The following MEGF11 variants were observed in gnomAD, a reference collection of about 807,000 sequenced individuals.
The protein encoded by MEGF11 is multiple epidermal growth factor-like domains protein 11.
Under a neutral mutation model 146.6 loss-of-function variants are expected in MEGF11, and 126 were observed. The ratio of observed to expected loss-of-function variants is 0.86; its 90% confidence interval spans 0.74 to 1.00. The LOEUF is 1.00. Ranked by LOEUF, MEGF11 falls within the 50% of genes least tolerant of loss-of-function variation. The pLI is 0.00. For synonymous variants in MEGF11, 532 were observed against 583.4 expected (o/e 0.91, Z 1.27); for missense variants, 1,509 against 1,521.2 (o/e 0.99, Z 0.13).
At chr15:66,177,683 CTTTT>C (rs58849037) in intron 1 of MEGF11, among the ~76,000 whole-genome samples, 1 of 142,178 alleles carries the variant, frequency 7.0e-6, no homozygotes, top group Admixed American at 7.0e-5. Flanking sequence ...CCTTTTTCTT[CTTTT>C]TTTTTTTTTT....
intron 1 of MEGF11, among the ~76,000 whole-genome samples, chr15:66,251,455 G>C (rs1239679129): frequency 6.6e-6 from 1 of 152,172 alleles, no homozygotes; most frequent in Admixed American, 6.5e-5. Context: ...CCCTGTGTGC[G>C]GGCTCCATTT....
At chr15:66,231,027 C>T (rs1012939768) in intron 1 of MEGF11, among the ~76,000 whole-genome samples, 6 of 152,224 alleles carry the variant, frequency 3.9e-5, no homozygotes, top group South Asian at 4.1e-4. Context: ...ATGTTAAAAG[C>T]GTTCTATAGA....
chr15:65,906,509 GGGTAT>G (rs1596816473), intron 23 of MEGF11: 1 of 205,016 alleles, frequency 4.9e-6, no homozygotes, highest in East Asian at 1.4e-4. Context: ...CAGGCTCCAA[GGGTAT>G]AGGATAAGGA....
At chr15:66,104,788 GGGC>G (rs2086988464) in intron 4 of MEGF11, among the ~76,000 whole-genome samples, 2 of 152,212 alleles carry the variant, frequency 1.3e-5, no homozygotes, top group Non-Finnish European at 2.9e-5. Flanking sequence ...AGCCAGGTCA[GGGC>G]GCACATCTAA....
chr15:65,970,929 T>A, intron 7 of MEGF11: 2 of 556,964 alleles, frequency 3.6e-6, no homozygotes, highest in Non-Finnish European at 3.2e-6. Flanking sequence ...AGGTGCTGTG[T>A]GAGACACTAG....
intron 5 of MEGF11, among the ~76,000 whole-genome samples, chr15:66,042,320 G>C (rs1357624118): frequency 6.6e-6 from 1 of 152,024 alleles, no homozygotes; most frequent in African/African-American, 2.4e-5. Context: ...ACGTTGGCCA[G>C]GCTAGTCTCG....
intron 10 of MEGF11, among the ~76,000 whole-genome samples, chr15:65,954,512 A>G (rs1255723258): frequency 6.6e-6 from 1 of 152,122 alleles, no homozygotes; most frequent in African/African-American, 2.4e-5. Context: ...CCAACATCCA[A>G]CAGAGCCCCA....
At chr15:66,128,082 G>A (rs2088460047) in intron 2 of MEGF11, among the ~76,000 whole-genome samples, 1 of 152,214 alleles carries the variant, frequency 6.6e-6, no homozygotes, top group Non-Finnish European at 1.5e-5. Context: ...GGAGGGGTAG[G>A]ACAGTGCATC....
intron 5 of MEGF11, among the ~76,000 whole-genome samples, chr15:65,987,232 A>G (rs1296281304): frequency 1.3e-5 from 2 of 152,226 alleles, no homozygotes; most frequent in African/African-American, 4.8e-5. Context: ...GAATTTTCTC[A>G]TTTAATTCTC....
intron 5 of MEGF11, among the ~76,000 whole-genome samples, chr15:66,051,359 A>T (rs1597031463): frequency 1.3e-5 from 2 of 152,172 alleles, no homozygotes; most frequent in South Asian, 2.1e-4. Flanking sequence ...CAGACTAAAG[A>T]GGCTGGGATG....
chr15:66,244,308 G>C (rs2092263060), intron 1 of MEGF11, among the ~76,000 whole-genome samples: 1 of 152,072 alleles, frequency 6.6e-6, no homozygotes, highest in South Asian at 2.1e-4. Flanking sequence ...GTCCTCTCCT[G>C]CTCGTTACTG....
intron 1 of MEGF11, among the ~76,000 whole-genome samples, chr15:66,202,567 C>T (rs1248115352): frequency 6.6e-6 from 1 of 152,202 alleles, no homozygotes; most frequent in African/African-American, 2.4e-5. Context: ...GCACACCTGC[C>T]TCTGGCCTCC....
chr15:66,230,095 G>A (rs1453717297), intron 1 of MEGF11, among the ~76,000 whole-genome samples: 4 of 152,296 alleles, frequency 2.6e-5, no homozygotes, highest in Middle Eastern at 3.4e-3. Context: ...GGTTTAGGCG[G>A]CTGTGTCCCG....
At chr15:66,234,944 A>G (rs1349907270) in intron 1 of MEGF11, among the ~76,000 whole-genome samples, 1 of 152,142 alleles carries the variant, frequency 6.6e-6, no homozygotes, top group African/African-American at 2.4e-5. Flanking sequence ...CACCTTCGGA[A>G]CTCAGGGTCT....
intron 8 of MEGF11, among the ~76,000 whole-genome samples, chr15:65,965,592 C>CTT (rs1567179999): frequency 6.1e-5 from 1 of 16,490 alleles, no homozygotes; most frequent in Non-Finnish European, 1.6e-4. Context: ...TTCTTTCTTT[C>CTT]TTTCTTTCTT....
At chr15:66,079,537 A>ACC (rs56067269) in intron 5 of MEGF11, among the ~76,000 whole-genome samples, 2,144 of 120,568 alleles carry the variant, frequency 0.018, 37 homozygotes, top group South Asian at 0.038. Flanking sequence ...CTTCATTCAC[A>ACC]CCCCCCCCCC....
intron 5 of MEGF11, among the ~76,000 whole-genome samples, chr15:65,997,651 CT>C (rs1270538920): frequency 2.0e-5 from 3 of 152,248 alleles, no homozygotes; most frequent in African/African-American, 7.2e-5. Flanking sequence ...AGAATGTCAG[CT>C]CCATGAGGGC....
chr15:65,909,455 T>G (rs969967887), intron 22 of MEGF11, among the ~76,000 whole-genome samples: 10 of 151,354 alleles, frequency 6.6e-5, no homozygotes, highest in Non-Finnish European at 1.5e-4. Flanking sequence ...CAAGCAGAGG[T>G]TCCTATCCAG....
At chr15:66,172,272 C>T (rs1314580586) in intron 1 of MEGF11, among the ~76,000 whole-genome samples, 1 of 152,190 alleles carries the variant, frequency 6.6e-6, no homozygotes, top group African/African-American at 2.4e-5. Flanking sequence ...AAAATGTCTC[C>T]TCTCACCCTG....
Sources: allele counts gnomAD v4.1 joint callset (sites outside exome capture counted in the v4.1 genomes callset), GRCh38; gene constraint gnomAD v4.1.1; transcripts MANE v1.5; gene names NCBI Gene and HGNC (gene_info 2026-07-23, HGNC 2026-07-21).